The following CENPT variants were observed in gnomAD, a reference collection of about 807,000 sequenced individuals.
CENPT encodes centromere protein T.
A neutral mutation model predicts 59.7 loss-of-function variants in CENPT; 42 were observed. The observed-to-expected ratio is 0.70, with a 90% CI of 0.55 to 0.91. The LOEUF is 0.91. CENPT is among the 40% of genes least tolerant of loss of function. The pLI is 0.00. For missense variants in CENPT, 716 were observed against 713.4 expected (o/e 1.00, Z -0.04); for synonymous variants, 295 against 289.6 (o/e 1.02, Z -0.19).
In CENPT at chr16:67,842,791, C is replaced by T. The variant is rs775271562; in HGVS notation, c.-492+4610G>A. On this transcript the variant is annotated intron_variant, in intron 1 of 15. Coordinates refer to ENST00000562787, the MANE Select transcript of CENPT (RefSeq NM_025082.4). The surrounding 1 kb of genome is among the most constrained non-coding windows in gnomAD (Gnocchi z 4.9). ...CCTACACGGTACGCGTCCCCACCAT[C>T]TTCCCGCTGCGCGGCGTCAATGAGC... is the stretch of plus-strand genomic sequence containing the variant. 4.3e-6 allele frequency: 7 copies of T among 1,611,120 alleles called. No individual in the cohort carries two copies. Among genetic ancestry groups the T allele is most frequent in the Non-Finnish European group, 5.9e-6 (7 of 1,179,128 alleles).
intron 1 of CENPT, among the ~76,000 whole-genome samples, chr16:67,837,914 T>C (rs776331159): frequency 1.6e-4 from 24 of 152,186 alleles, no homozygotes; most frequent in Admixed American, 3.9e-4. Context: ...CTAAATGGAA[T>C]AGGAAGCCAG....
intron 1 of CENPT, among the ~76,000 whole-genome samples, chr16:67,839,381 C>T (rs1349661390): frequency 8.3e-4 from 45 of 54,142 alleles, no homozygotes; most frequent in Non-Finnish European, 1.3e-3. Flanking sequence ...AACTCCACCT[C>T]AAAAAAAAAA....
chr16:67,841,193 C>CAAAA lies in CENPT; in HGVS notation c.-491-5539_-491-5536dup, dbSNP rs772893427. On this transcript the variant is annotated intron_variant, in intron 1 of 15. Transcript: ENST00000562787. ...CTGGCGACACAGTGAGACTCCTTTACAAAAAAAAAAAAAAAAAAAAAAAAA... is the reference window on the plus strand; with the variant it reads ...CTGGCGACACAGTGAGACTCCTTTACAAAAAAAAAAAAAAAAAAAAAAAAAAAAA... 1.3e-3 allele frequency among the ~76,000 whole-genome samples: 35 copies of CAAAA among 27,566 alleles called. 3 individuals carry two copies. The highest frequency in any genetic ancestry group is 1.9e-3 in the African/African-American group (18 of 9,578). The allele number at this position is 27,566 out of a possible 152,430, so 18.1% of individuals were successfully genotyped here.
Position 67,842,931 on chromosome 16 carries a change from AGC to A in CENPT, c.-492+4468_-492+4469del. 1 of 1,603,810 alleles carries A rather than the reference AGC, an allele frequency of 6.2e-7. No individual in the cohort carries two copies. ...CAGCAGCAGCAGCAACAGCAGCAGCAGCAGCAGCAGCAGCAGCAGTCCTCACC... is the reference window on the plus strand; with the variant it reads ...CAGCAGCAGCAGCAACAGCAGCAGCAAGCAGCAGCAGCAGCAGTCCTCACC... On this transcript the variant is annotated intron_variant, in intron 1 of 15. Coordinates refer to ENST00000562787, the MANE Select transcript of CENPT (RefSeq NM_025082.4). This position sits in a 1 kb window ranked among gnomAD's most constrained non-coding sequence, Gnocchi z 4.9.
At chr16:67,845,436 T>C (rs1215260317) in intron 1 of CENPT, among the ~76,000 whole-genome samples, 2 of 152,182 alleles carry the variant, frequency 1.3e-5, no homozygotes, top group African/African-American at 4.8e-5. Flanking sequence ...GGTTGGGGGA[T>C]GGACTGGACC....
chr16:67,837,678 C>T (rs975905723), intron 1 of CENPT, among the ~76,000 whole-genome samples: 2 of 152,028 alleles, frequency 1.3e-5, no homozygotes, highest in Admixed American at 6.6e-5. Flanking sequence ...CCAGCCTGGG[C>T]GACAGAGTGA....
rs749500051 is a variant in CENPT, at chr16:67,828,312, G to A, written c.1641C>T (p.Leu547=). Residue 547 remains leucine, a synonymous_variant, in exon 16 of 16, where the codon CTC becomes CTT. Coordinates refer to ENST00000562787, the MANE Select transcript of CENPT (RefSeq NM_025082.4). ...RHLPLEYRQL[L]IPCAYSGNSV... is the part of the protein sequence containing the mutation. ...AGTTGCCACTGTATGCACAGGGGAT[G>A]AGCAGCTGCCGGTACTCCAGGGGCA... is the stretch of plus-strand genomic sequence containing the variant. 2.5e-5 allele frequency: 40 copies of A among 1,608,744 alleles called. No individual in the cohort carries two copies. The highest frequency in any genetic ancestry group is 5.3e-5 in the African/African-American group (4 of 74,826).
intron 7 of CENPT, 29 bp from the exon 8 acceptor site, chr16:67,831,919 GC>G: frequency 6.2e-7 from 1 of 1,603,496 alleles, no homozygotes; most frequent in Non-Finnish European, 8.5e-7. Flanking sequence ...TCTCAGACAG[GC>G]CAGGAAGTCC....
chr16:67,828,247 A>C lies in CENPT; in HGVS notation c.*20T>G. 1 of 1,561,066 alleles carries C rather than the reference A, an allele frequency of 6.4e-7. No individual in the cohort carries two copies. Among genetic ancestry groups the C allele is most frequent in the Non-Finnish European group, 8.7e-7 (1 of 1,152,312 alleles). On this transcript the variant is annotated 3_prime_UTR_variant, in exon 16 of 16. Coordinates refer to ENST00000562787, the MANE Select transcript of CENPT (RefSeq NM_025082.4). ...CAAGAGTCCCCAGGTGGGGACAGGG[A>C]AAGTGTTGAAGCCTGGCCACTACTG...
intron 1 of CENPT, among the ~76,000 whole-genome samples, chr16:67,839,301 C>A (rs1439547464): frequency 1.3e-5 from 2 of 149,854 alleles, no homozygotes; most frequent in Non-Finnish European, 3.0e-5. Context: ...AGGAGAATTG[C>A]TTGAACCCTG....
At chr16:67,839,638 C>T (rs1251470381) in intron 1 of CENPT, among the ~76,000 whole-genome samples, 2 of 151,962 alleles carry the variant, frequency 1.3e-5, no homozygotes, top group East Asian at 1.9e-4. Context: ...TTTGGGAGGC[C>T]GAGGTGGGTG....
chr16:67,829,227 C>G (rs1042505387), intron 13 of CENPT, 196 bp downstream of exon 13: 4 of 538,106 alleles, frequency 7.4e-6, no homozygotes, highest in African/African-American at 2.0e-5. Context: ...TTCCCCTCAC[C>G]CAGGCTCCTC....
At position 67,831,305 on chromosome 16, in the gene CENPT, G is replaced by A. The variant is rs1230346922; in HGVS notation, c.614C>T (p.Pro205Leu). 6.2e-7 allele frequency: 1 copy of A among 1,614,202 alleles called. No homozygotes were observed. The highest frequency in any genetic ancestry group is 1.1e-5 in the South Asian group (1 of 91,086). The change falls in exon 10 of 16, where the codon CCT becomes CTT. Residue 205 changes from proline (P) to leucine (L), a missense_variant. Pro to Leu is a moderately conservative substitution (Grantham distance 98). Coordinates refer to ENST00000562787, the MANE Select transcript of CENPT (RefSeq NM_025082.4). ...TPLQPQSVQR[P>L]GLARRPPARR... ...GGCTGGAGGTCTGCGGGCCAAGCCA[G>A]GCCTCTGCACTGACTGTGGCTGAAG...
chr16:67,846,629 G>C (rs1182340469), intron 1 of CENPT: 1 of 152,462 alleles, frequency 6.6e-6, no homozygotes, highest in Non-Finnish European at 1.5e-5. Flanking sequence ...GCACAGACTG[G>C]GCGGGGCCGA....
At chr16:67,830,238 C>T (rs1395275507) in intron 11 of CENPT, 150 bp from the exon 12 acceptor site, 1 of 1,239,234 alleles carries the variant, frequency 8.1e-7, no homozygotes, top group Non-Finnish European at 1.1e-6. Flanking sequence ...TCTGAAGTCT[C>T]CTGGCCCAAC....
intron 1 of CENPT, among the ~76,000 whole-genome samples, chr16:67,845,517 T>C (rs995525513): frequency 6.6e-6 from 1 of 152,238 alleles, no homozygotes. Context: ...TTGTTGCTCC[T>C]ATTGGGCCAG....
Position 67,831,272 on chromosome 16 carries a change from G to C in CENPT, c.647C>G (p.Ala216Gly), listed in dbSNP as rs777567442. The change falls in exon 10 of 16, where the codon GCT (alanine) becomes GGT (glycine). Residue 216 changes from alanine (A) to glycine (G), a missense_variant. Ala to Gly is a moderately conservative substitution (Grantham distance 60). Transcript: ENST00000562787. ...CCGCAAAAAGGCACCCACGTCTACA[G>C]CTCGGCGGGCTGGAGGTCTGCGGGC... ...GLARRPPARR[A>G]VDVGAFLRDL... 1 of 1,614,200 alleles carries C rather than the reference G, an allele frequency of 6.2e-7. No homozygotes were observed. The highest frequency in any genetic ancestry group is 2.2e-5 in the East Asian group (1 of 44,876).
chr16:67,828,296 T>C lies in CENPT; in HGVS notation c.1657A>G (p.Ser553Gly). The change falls in exon 16 of 16, where the codon AGT (serine) becomes GGT (glycine). Residue 553 changes from serine to glycine, a missense_variant. Coordinates refer to ENST00000562787, the MANE Select transcript of CENPT (RefSeq NM_025082.4). ...TGGGCAGGGAAGACAGAGTTGCCAC[T>C]GTATGCACAGGGGATGAGCAGCTGC... ...YRQLLIPCAY[S>G]GNSVFPAQ The C allele has an allele frequency of 6.2e-7, 1 of 1,604,870 alleles. No homozygotes were observed. Among genetic ancestry groups the C allele is most frequent in the Non-Finnish European group, 8.5e-7 (1 of 1,173,218 alleles).
Position 67,843,088 on chromosome 16 carries a change from C to A in CENPT, c.-492+4313G>T. The A allele has an allele frequency of 6.2e-7, 1 of 1,611,344 alleles. No homozygotes were observed. The highest frequency in any genetic ancestry group is 8.5e-7 in the Non-Finnish European group (1 of 1,180,006). On this transcript the variant is annotated intron_variant, in intron 1 of 15. Coordinates refer to ENST00000562787, the MANE Select transcript of CENPT (RefSeq NM_025082.4). The surrounding 1 kb of genome is among the most constrained non-coding windows in gnomAD (Gnocchi z 5.7). ...CGGGATCCGTACAGCCGGCGCCCAT[C>A]ACTCCCACTGGAGAAGACGTGAAGC... is the stretch of plus-strand genomic sequence containing the variant.
Sources: gnomAD v4.1 joint callset for allele counts (sites outside exome capture counted in the v4.1 genomes callset) on GRCh38, gnomAD v4.1.1 for gene constraint, Gnocchi (gnomAD v3.1) non-coding constraint, MANE v1.5 for transcripts, NCBI Gene and HGNC (gene_info 2026-07-23, HGNC 2026-07-21) for gene names.